MEGF10: variants seen among roughly 807,000 people sequenced by gnomAD.
MEGF10 encodes the protein multiple EGF like domains 10, also known as multiple epidermal growth factor-like domains protein 10.
In MEGF10, 86 loss-of-function variants were observed where a neutral mutation model predicts 147.5. The observed-to-expected ratio is 0.58, with a 90% CI of 0.49 to 0.70. The LOEUF (loss-of-function observed/expected upper bound fraction) is 0.70. Ranked by LOEUF, MEGF10 falls within the 30% of genes least tolerant of loss-of-function variation. The pLI is 0.00. For synonymous variants in MEGF10, 478 were observed against 525.5 expected, an observed-to-expected ratio of 0.91 and a Z score of 1.24; for missense variants, 1,329 against 1,487.3, an observed-to-expected ratio of 0.89 and a Z score of 1.75.
the MEGF10 span, among the ~76,000 whole-genome samples, chr5:127,268,084 A>G: frequency 6.6e-6 from 1 of 152,044 alleles, no homozygotes; most frequent in Non-Finnish European, 1.5e-5. Context: ...TCTACACACT[A>G]CTTTAAATGT....
At chr5:127,361,077 C>G (rs1479056104) in intron 4 of MEGF10, among the ~76,000 whole-genome samples, 1 of 151,854 alleles carries the variant, frequency 6.6e-6, no homozygotes, top group Non-Finnish European at 1.5e-5. Context: ...GGGAAGTAGT[C>G]TCTGGCCTTC....
At chr5:127,286,875 T>A (rs1415364599), upstream of MEGF10, among the ~76,000 whole-genome samples, 1 of 151,954 alleles carries the variant, frequency 6.6e-6, no homozygotes, top group Non-Finnish European at 1.5e-5. Flanking sequence ...CCAATAATTT[T>A]AATGAGTATA....
At chr5:127,408,352 C>T (rs530599188) in intron 8 of MEGF10, among the ~76,000 whole-genome samples, 1 of 152,298 alleles carries the variant, frequency 6.6e-6, no homozygotes, top group South Asian at 2.1e-4. Flanking sequence ...CCTTTTGGAA[C>T]TGACTTGCAA....
chr5:127,419,063 G>T, intron 10 of MEGF10, 57 bp from the exon 11 acceptor site: 2 of 1,559,210 alleles, frequency 1.3e-6, no homozygotes, highest in East Asian at 2.3e-5. Context: ...GTTTATTTGT[G>T]TTGGCCTTAT....
chr5:127,271,697 C>A, the MEGF10 span, among the ~76,000 whole-genome samples: 3 of 152,038 alleles, frequency 2.0e-5, no homozygotes, highest in Admixed American at 2.0e-4. Context: ...AGGGGCTTTT[C>A]CCCCTTTGCT....
intron 13 of MEGF10, among the ~76,000 whole-genome samples, chr5:127,423,960 A>G (rs1340016189): frequency 5.3e-5 from 8 of 152,168 alleles, no homozygotes; most frequent in African/African-American, 1.9e-4. Context: ...ATCCAAGGTC[A>G]CAAGATTTAT....
At chr5:127,379,160 C>T (rs1312580421) in intron 5 of MEGF10, among the ~76,000 whole-genome samples, 2 of 150,882 alleles carry the variant, frequency 1.3e-5, no homozygotes, top group Admixed American at 1.3e-4. Context: ...AACCTCTTCT[C>T]ATTATCTCTA....
intron 1 of MEGF10, among the ~76,000 whole-genome samples, chr5:127,304,384 T>A (rs1238794809): frequency 6.6e-6 from 1 of 152,228 alleles, no homozygotes; most frequent in African/African-American, 2.4e-5. Context: ...TGTTACCACA[T>A]CATAAGGGCT....
At chr5:127,401,344 T>G (rs1388062835) in intron 7 of MEGF10, among the ~76,000 whole-genome samples, 2 of 152,226 alleles carry the variant, frequency 1.3e-5, no homozygotes, top group Non-Finnish European at 1.5e-5. Context: ...TGATTCTCAG[T>G]TAAGTGCTGA....
chr5:127,424,941 AC>A (rs940819873), intron 13 of MEGF10, among the ~76,000 whole-genome samples: 2 of 152,212 alleles, frequency 1.3e-5, no homozygotes, highest in African/African-American at 4.8e-5. Flanking sequence ...AACATTTTTA[AC>A]CTTCTGGCAA....
At chr5:127,423,643 G>A (rs1765105924) in intron 13 of MEGF10, among the ~76,000 whole-genome samples, 1 of 152,018 alleles carries the variant, frequency 6.6e-6, no homozygotes, top group Admixed American at 6.6e-5. Flanking sequence ...TGATGATATT[G>A]AACATCTTTC....
intron 1 of MEGF10, among the ~76,000 whole-genome samples, chr5:127,292,382 A>G (rs756751253): frequency 2.0e-5 from 3 of 152,258 alleles, no homozygotes; most frequent in Non-Finnish European, 2.9e-5. Context: ...TGAAGGACTA[A>G]CAAGCCTGAC....
intron 9 of MEGF10, among the ~76,000 whole-genome samples, chr5:127,414,823 A>T (rs1475645474): frequency 6.6e-6 from 1 of 152,204 alleles, no homozygotes; most frequent in Non-Finnish European, 1.5e-5. Context: ...GAAGAGAAAG[A>T]AGACATTAAA....
At chr5:127,357,304 T>A (rs183417349) in intron 4 of MEGF10, among the ~76,000 whole-genome samples, 49 of 152,304 alleles carry the variant, frequency 3.2e-4, no homozygotes, top group Non-Finnish European at 4.4e-5. Context: ...GACAAACAGT[T>A]GTTCACCAAA....
chr5:127,275,426 G>A, the MEGF10 span, among the ~76,000 whole-genome samples: 1 of 152,170 alleles, frequency 6.6e-6, no homozygotes. Flanking sequence ...GGAAGCTCCT[G>A]CTTATCTCAT....
rs1766056166 is a variant in MEGF10, at chr5:127,449,083, TTTA to T, written c.2857-14_2857-12del. On this transcript the variant is annotated splice_polypyrimidine_tract_variant and intron_variant, in intron 21 of 24. Coordinates refer to ENST00000503335, the MANE Select transcript of MEGF10 (RefSeq NM_001256545.2). Reference sequence around the variant, plus strand: ...GTATTTTGTTTTTAATCTTTCGTTGTTTATATTTTTAACAGTCAAAAAACAATC... The same window carrying T: ...GTATTTTGTTTTTAATCTTTCGTTGTTATTTTTAACAGTCAAAAAACAATC... The T allele has an allele frequency of 6.2e-7, 1 of 1,613,872 alleles. No individual in the cohort carries two copies. Among genetic ancestry groups the T allele is most frequent in the South Asian group, 1.1e-5 (1 of 91,036 alleles).
At chr5:127,358,850 T>C (rs1227921057) in intron 4 of MEGF10, among the ~76,000 whole-genome samples, 1 of 152,050 alleles carries the variant, frequency 6.6e-6, no homozygotes, top group Non-Finnish European at 1.5e-5. Flanking sequence ...TAAGGTCATG[T>C]TACTTACGTT....
intron 23 of MEGF10, 81 bp downstream of exon 23, chr5:127,454,691 A>G: frequency 8.0e-7 from 1 of 1,256,462 alleles, no homozygotes; most frequent in South Asian, 1.4e-5. Context: ...TTTTTAAACA[A>G]GCTAGAATGG....
In MEGF10 at chr5:127,420,192, C is replaced by A. The variant is rs765445505; in HGVS notation, c.1575C>A (p.Cys525Ter). The A allele has an allele frequency of 1.2e-6, 2 of 1,613,960 alleles. No individual in the cohort carries two copies. Among genetic ancestry groups the A allele is most frequent in the Admixed American group, 1.7e-5 (1 of 59,984 alleles). The change falls in exon 12 of 25, where the codon TGC (cysteine) becomes TGA (stop). Residue 525 changes from cysteine (C) to a stop codon, truncating the protein, a stop_gained. Coordinates refer to ENST00000503335, the MANE Select transcript of MEGF10 (RefSeq NM_001256545.2). LOFTEE classifies it high-confidence loss of function. ...CACCTGGATGGCGCGGGGAGAAATGCGAACTTCCCTGCCAGGTATGCACAA... is the reference window on the plus strand; with the variant it reads ...CACCTGGATGGCGCGGGGAGAAATGAGAACTTCCCTGCCAGGTATGCACAA... ...TCAPGWRGEK[C>*]ELPCQDGTYG...
Sources: allele counts gnomAD v4.1 joint callset (sites outside exome capture counted in the v4.1 genomes callset), GRCh38; gene constraint gnomAD v4.1.1; transcripts MANE v1.5; gene names NCBI Gene and HGNC (gene_info 2026-07-23, HGNC 2026-07-21).